Variants in TRIP12 observed in about 807,000 individuals in gnomAD.
The protein encoded by TRIP12 is thyroid hormone receptor interactor 12, also known as E3 ubiquitin-protein ligase TRIP12.
Under a neutral mutation model 244.2 loss-of-function variants are expected in TRIP12, and 25 were observed. The ratio of observed to expected loss-of-function variants is 0.10; its 90% CI spans 0.07 to 0.14. The LOEUF (loss-of-function observed/expected upper bound fraction) is 0.14. Among genes scored for constraint, TRIP12 ranks in the 10% least tolerant of loss-of-function variants. TRIP12 has a pLI of 1.00. For missense variants in TRIP12, 1,677 were observed against 2,486.4 expected, an observed-to-expected ratio of 0.67 and a Z score of 6.92; for synonymous variants, 905 against 873.1, an observed-to-expected ratio of 1.04 and a Z score of -0.64.
At chr2:229,922,894 C>T (rs2076802452), upstream of TRIP12, among the ~76,000 whole-genome samples, 1 of 152,240 alleles carries the variant, frequency 6.6e-6, no homozygotes, top group Admixed American at 6.5e-5. Flanking sequence ...GTAGAGTTTC[C>T]TCCGCGCGAA....
chr2:229,846,014 CAAAA>C (rs34840494), intron 4 of TRIP12, among the ~76,000 whole-genome samples: 1 of 117,560 alleles, frequency 8.5e-6, no homozygotes. Flanking sequence ...CTCTTTTTTT[CAAAA>C]AAAAAAAAAA....
intron 2 of TRIP12, among the ~76,000 whole-genome samples, chr2:229,863,388 T>C (rs2060799219): frequency 6.6e-6 from 1 of 152,146 alleles, no homozygotes; most frequent in Admixed American, 6.5e-5. Flanking sequence ...CCTATCTGTT[T>C]AGCCCATGGG....
chr2:229,905,230 C>T (rs1184874955), intron 1 of TRIP12, among the ~76,000 whole-genome samples: 5 of 150,372 alleles, frequency 3.3e-5, no homozygotes, highest in Non-Finnish European at 7.4e-5. Flanking sequence ...GCCGAGATCG[C>T]GCCATTGCAC....
chr2:229,818,561 T>G (rs190991139), intron 8 of TRIP12, 49 bp from the exon 9 acceptor site: 2 of 1,543,226 alleles, frequency 1.3e-6, no homozygotes, highest in African/African-American at 2.8e-5. Context: ...AGAAAATTAT[T>G]ACTAGGTATA....
intron 39 of TRIP12, among the ~76,000 whole-genome samples, chr2:229,770,768 G>A (rs1009080983): frequency 1.3e-5 from 2 of 152,088 alleles, no homozygotes; most frequent in African/African-American, 4.8e-5. Flanking sequence ...TCTTTCCCAG[G>A]CTATTCTCAT....
chr2:229,795,103 C>A, intron 26 of TRIP12, 76 bp downstream of exon 26: 2 of 1,530,616 alleles, frequency 1.3e-6, no homozygotes, highest in Non-Finnish European at 1.8e-6. Flanking sequence ...CTTTACCAGA[C>A]CTCTTGCCAT....
At chr2:229,794,536 G>T (rs996745158) in intron 26 of TRIP12, among the ~76,000 whole-genome samples, 1 of 151,770 alleles carries the variant, frequency 6.6e-6, no homozygotes, top group Admixed American at 6.6e-5. Context: ...AGTGTAATTT[G>T]GCTTGGGCAA....
Position 229,807,883 on chromosome 2 carries a change from A to C in TRIP12, c.2340-19T>G, listed in dbSNP as rs1408204903. On this transcript the variant is annotated intron_variant, in intron 16 of 41. Coordinates refer to ENST00000675903, the MANE Select transcript of TRIP12 (RefSeq NM_001348323.3). ...AAGTTCACTGAAAACAAAAAGTACA[A>C]TAATTTTAGTAACTTTATGAAATAT... is the stretch of plus-strand genomic sequence containing the variant. The C allele has an allele frequency of 2.2e-5, 36 of 1,602,954 alleles. No homozygotes were observed. The highest frequency in any genetic ancestry group is 3.0e-5 in the Non-Finnish European group (35 of 1,172,968).
Position 229,795,194 on chromosome 2 carries a change from T to C in TRIP12, c.3953A>G (p.Asn1318Ser), listed in dbSNP as rs1308815055. The C allele has an allele frequency of 3.7e-6, 6 of 1,613,806 alleles. No individual in the cohort carries two copies. In the Admixed American group the frequency reaches 8.3e-5, roughly 22 times the overall value. Residue 1318 changes from asparagine (N) to serine (S), a missense_variant, in exon 26 of 42, where the codon AAT (asparagine) becomes AGT (serine). This residue lies in a region of TRIP12 where 265 missense variants were observed against 370.8 expected (regional missense o/e 0.71). Coordinates refer to ENST00000675903, the MANE Select transcript of TRIP12 (RefSeq NM_001348323.3). ...PVKVHDFPSG[N>S]GTGGSFSLNR... ...TGGTCCTTACCTGCCTCCTGTCCCATTTCCACTAGGGAAATCATGTACTTT... is the reference window on the plus strand; with the variant it reads ...TGGTCCTTACCTGCCTCCTGTCCCACTTCCACTAGGGAAATCATGTACTTT...
chr2:229,787,447 G>A (rs2040390150), intron 33 of TRIP12, 58 bp downstream of exon 33: 2 of 1,550,548 alleles, frequency 1.3e-6, no homozygotes, highest in African/African-American at 2.8e-5. Context: ...TACATTTCTA[G>A]TTTTTCCCAT....
intron 30 of TRIP12, 40 bp downstream of exon 30, chr2:229,791,084 C>T: frequency 6.2e-7 from 1 of 1,607,664 alleles, no homozygotes; most frequent in Non-Finnish European, 8.5e-7. Flanking sequence ...GGAAGATTGC[C>T]CAGTTGGCAA....
chr2:229,836,743 A>T (rs2054919335), intron 6 of TRIP12, 105 bp downstream of exon 6: 1 of 1,320,470 alleles, frequency 7.6e-7, no homozygotes, highest in Admixed American at 3.0e-5. Context: ...ACAAAACAGA[A>T]CAAGAAGTTT....
intron 2 of TRIP12, among the ~76,000 whole-genome samples, chr2:229,863,527 A>G (rs1033754451): frequency 2.0e-5 from 3 of 152,154 alleles, no homozygotes; most frequent in African/African-American, 7.2e-5. Context: ...TCAAAATTTT[A>G]TTTACAAAAA....
In TRIP12 at chr2:229,805,879, G is replaced by C. The variant is rs760369268; in HGVS notation, c.2501C>G (p.Ala834Gly). 6.4e-7 allele frequency: 1 copy of C among 1,551,268 alleles called. No homozygotes were observed. Among genetic ancestry groups the C allele is most frequent in the Non-Finnish European group, 8.8e-7 (1 of 1,135,320 alleles). ...NRIDSRIIEAAHQVGEDEISL... is the reference protein window; with the variant it reads ...NRIDSRIIEAGHQVGEDEISL... ...TATCTCATCCTCACCGACCTGATGG[G>C]CTGCCTGAGAGCAAAGAGAGAGAAA... The change falls in exon 18 of 42, where the codon GCC (alanine) becomes GGC (glycine). Residue 834 changes from alanine to glycine, a missense_variant. This residue lies in a region of TRIP12 where 572 missense variants were observed against 867.8 expected (regional missense o/e 0.66). Coordinates refer to ENST00000675903, the MANE Select transcript of TRIP12 (RefSeq NM_001348323.3).
chr2:229,894,147 T>C (rs997526267), intron 1 of TRIP12, among the ~76,000 whole-genome samples: 5 of 151,994 alleles, frequency 3.3e-5, no homozygotes, highest in Non-Finnish European at 7.4e-5. Context: ...AGAGTGAGAC[T>C]CTGGCTCAAA....
chr2:229,792,461 CATTTA>C (rs1287102532), intron 27 of TRIP12, among the ~76,000 whole-genome samples: 2 of 152,140 alleles, frequency 1.3e-5, no homozygotes, highest in Non-Finnish European at 2.9e-5. Flanking sequence ...ATATGCAATT[CATTTA>C]TATCTCATAT....
chr2:229,793,253 A>G (rs2154261003), intron 26 of TRIP12, 108 bp from the exon 27 acceptor site: 1 of 1,086,332 alleles, frequency 9.2e-7, no homozygotes, highest in Admixed American at 2.8e-5. Context: ...AAGACACACT[A>G]GTACTAAGCA....
rs372102457 is a variant in TRIP12 at position 229,815,288 on chromosome 2, C to T, written c.1620G>A (p.Glu540=). The change falls in exon 10 of 42, where the codon GAG becomes GAA. Residue 540 remains glutamate, a synonymous_variant. Coordinates refer to ENST00000675903, the MANE Select transcript of TRIP12 (RefSeq NM_001348323.3). ...ATATACTTACAATATCAAAATTGTGCTCCATCTGAAGTAACGTAATCTGTT... is the reference window on the plus strand; with the variant it reads ...ATATACTTACAATATCAAAATTGTGTTCCATCTGAAGTAACGTAATCTGTT... ...VPALITLLQM[E]HNFDIMNHAC... 2.0e-6 allele frequency: 3 copies of T among 1,470,052 alleles called. No homozygotes were observed. The South Asian group carries it at 3.5e-5, about 17-fold the overall frequency. The allele number at this position is 1,470,052 out of a possible 1,614,324, so 91.1% of individuals were successfully genotyped here.
rs1454122167 is a variant in TRIP12, at chr2:229,811,247, C to A, written c.1987-43G>T. The A allele has an allele frequency of 7.0e-6, 11 of 1,566,066 alleles. No homozygotes were observed. In the Admixed American group the frequency reaches 1.7e-4, roughly 24 times the overall value. On this transcript the variant is annotated intron_variant, in intron 13 of 41. Transcript: ENST00000675903. ...GAAAATAAAATTTATTAGCATAAAG[C>A]ATTTTCACTGTCATGTATCACTACT...
Sources: gnomAD v4.1 joint callset for allele counts (sites outside exome capture counted in the v4.1 genomes callset) on GRCh38, gnomAD v4.1.1 for gene constraint, gnomAD v4.1.1 regional missense constraint, MANE v1.5 for transcripts, NCBI Gene and HGNC (gene_info 2026-07-23, HGNC 2026-07-21) for gene names.